Variants in RABGAP1L observed in about 807,000 individuals in gnomAD.
The protein encoded by RABGAP1L is rab GTPase-activating protein 1-like.
A neutral mutation model predicts 137.7 loss-of-function variants in RABGAP1L; 63 were observed. That is an observed-to-expected ratio of 0.46 (90% CI 0.37 to 0.56). The LOEUF (loss-of-function observed/expected upper bound fraction) is 0.56. Among genes scored for constraint, RABGAP1L ranks in the 20% least tolerant of loss-of-function variants. The probability of loss-of-function intolerance (pLI) is 0.00; values close to 1 mark genes in which losing one functional copy is unlikely to be tolerated. For missense variants in RABGAP1L, 1,095 were observed against 1,244.0 expected (o/e 0.88, Z 1.80); for synonymous variants, 431 against 433.7 (o/e 0.99, Z 0.08).
chr1:174,395,809 G>T (rs1235222252), intron 13 of RABGAP1L, among the ~76,000 whole-genome samples: 1 of 146,254 alleles, frequency 6.8e-6, no homozygotes, highest in Admixed American at 6.9e-5. Context: ...CTACACTTTG[G>T]CTTGGGCAAC....
At chr1:174,914,746 A>G (rs1314919307) in intron 19 of RABGAP1L, among the ~76,000 whole-genome samples, 1 of 152,176 alleles carries the variant, frequency 6.6e-6, no homozygotes, top group Non-Finnish European at 1.5e-5. Flanking sequence ...TCACAGAGTT[A>G]TGCATCCATC....
chr1:174,184,146 T>C (rs12076771), intron 1 of RABGAP1L, among the ~76,000 whole-genome samples: 44,925 of 151,962 alleles, frequency 0.3, 7,081 homozygotes, highest in African/African-American at 0.37. Context: ...GGATTACAGG[T>C]GTGAGCCACC....
At chr1:174,395,852 A>AAG (rs1553293099) in intron 13 of RABGAP1L, among the ~76,000 whole-genome samples, 6 of 151,644 alleles carry the variant, frequency 4.0e-5, no homozygotes, top group Non-Finnish European at 8.8e-5. Flanking sequence ...AAAAAAAAAA[A>AAG]AAAGAAAGAA....
At chr1:174,487,142 G>A (rs1239961139) in intron 13 of RABGAP1L, among the ~76,000 whole-genome samples, 1 of 152,004 alleles carries the variant, frequency 6.6e-6, no homozygotes, top group Non-Finnish European at 1.5e-5. Flanking sequence ...AGGTTCATTT[G>A]TTCTATAGTG....
chr1:174,625,377 A>G (rs180858222), intron 13 of RABGAP1L, among the ~76,000 whole-genome samples: 13 of 152,288 alleles, frequency 8.5e-5, no homozygotes, highest in African/African-American at 2.9e-4. Flanking sequence ...AGTTTGTACT[A>G]TTCAGCAAAC....
chr1:174,398,865 T>C (rs1558200420), intron 13 of RABGAP1L, among the ~76,000 whole-genome samples: 1 of 152,324 alleles, frequency 6.6e-6, no homozygotes, highest in South Asian at 2.1e-4. Context: ...ATGGAATGAA[T>C]TATTCTAAAA....
At chr1:174,944,192 G>A (rs1434911496) in intron 19 of RABGAP1L, among the ~76,000 whole-genome samples, 3 of 141,760 alleles carry the variant, frequency 2.1e-5, no homozygotes, top group Admixed American at 7.3e-5. Context: ...CCGGAGAATC[G>A]CTTGAACCCA....
intron 13 of RABGAP1L, among the ~76,000 whole-genome samples, chr1:174,439,152 A>G (rs1395676045): frequency 6.6e-6 from 1 of 152,050 alleles, no homozygotes; most frequent in Non-Finnish European, 1.5e-5. Flanking sequence ...TCGGGAAGAA[A>G]GCATTTAATA....
chr1:174,838,180 A>G (rs931335537), intron 19 of RABGAP1L, among the ~76,000 whole-genome samples: 2 of 152,256 alleles, frequency 1.3e-5, no homozygotes, highest in African/African-American at 4.8e-5. Context: ...TAAAATGAGC[A>G]TATCTGTTTC....
chr1:174,244,788 G>A (rs1292792449), intron 5 of RABGAP1L: 2 of 152,124 alleles, frequency 1.3e-5, no homozygotes, highest in African/African-American at 4.8e-5. Context: ...TACTTTTAAA[G>A]TGTTAATTGA....
intron 12 of RABGAP1L, among the ~76,000 whole-genome samples, chr1:174,383,877 T>C (rs941256114): frequency 6.6e-6 from 1 of 152,078 alleles, no homozygotes; most frequent in Non-Finnish European, 1.5e-5. Flanking sequence ...TTTTGGAAAA[T>C]AGCATGGTAT....
At chr1:174,536,468 A>G (rs1664898495) in intron 13 of RABGAP1L, among the ~76,000 whole-genome samples, 2 of 152,110 alleles carry the variant, frequency 1.3e-5, no homozygotes, top group Non-Finnish European at 2.9e-5. Flanking sequence ...GATAACTGAG[A>G]ATGATAAATT....
intron 19 of RABGAP1L, among the ~76,000 whole-genome samples, chr1:174,914,349 C>T (rs978114358): frequency 6.6e-6 from 1 of 152,192 alleles, no homozygotes; most frequent in African/African-American, 2.4e-5. Context: ...TATCAAATGA[C>T]ATATATCACT....
chr1:174,372,975 A>G (rs533495074), intron 12 of RABGAP1L, among the ~76,000 whole-genome samples: 3 of 152,324 alleles, frequency 2.0e-5, no homozygotes, highest in South Asian at 2.1e-4. Flanking sequence ...CAGCCATTCT[A>G]TTGAAATGAT....
chr1:174,873,179 C>G (rs1320817342), intron 19 of RABGAP1L, among the ~76,000 whole-genome samples: 1 of 151,902 alleles, frequency 6.6e-6, no homozygotes, highest in African/African-American at 2.4e-5. Flanking sequence ...AGCGATTCTC[C>G]TGCCTCAGCC....
intron 13 of RABGAP1L, among the ~76,000 whole-genome samples, chr1:174,417,096 C>T (rs757746407): frequency 7.2e-5 from 11 of 152,122 alleles, no homozygotes; most frequent in Non-Finnish European, 1.6e-4. Context: ...GCAAAAACCG[C>T]AATTACTTTT....
chr1:174,460,584 G>A (rs1295244488), intron 13 of RABGAP1L, among the ~76,000 whole-genome samples: 1 of 152,048 alleles, frequency 6.6e-6, no homozygotes, highest in Non-Finnish European at 1.5e-5. Context: ...AAATACTGAA[G>A]CAAACAGTGT....
intron 13 of RABGAP1L, among the ~76,000 whole-genome samples, chr1:174,462,195 G>C (rs537509421): frequency 6.6e-6 from 1 of 152,248 alleles, no homozygotes; most frequent in South Asian, 2.1e-4. Context: ...GATATGACTA[G>C]TAACAGATGA....
intron 18 of RABGAP1L, among the ~76,000 whole-genome samples, chr1:174,806,857 C>T (rs1418731269): frequency 6.6e-6 from 1 of 152,220 alleles, no homozygotes; most frequent in East Asian, 1.9e-4. Flanking sequence ...GCAATATCAG[C>T]TCACTGCAGC....
Sources: gnomAD v4.1 joint callset for allele counts (sites outside exome capture counted in the v4.1 genomes callset) on GRCh38, gnomAD v4.1.1 for gene constraint, MANE v1.5 for transcripts, NCBI Gene and HGNC (gene_info 2026-07-23, HGNC 2026-07-21) for gene names.